Variants in EDAR observed in about 807,000 individuals in gnomAD.
The protein encoded by EDAR is ectodysplasin A receptor, also known as tumor necrosis factor receptor superfamily member EDAR.
In EDAR, 38 loss-of-function variants were observed where a neutral mutation model predicts 51.3. The ratio of observed to expected loss-of-function variants is 0.74; its 90% confidence interval spans 0.57 to 0.97. The LOEUF (loss-of-function observed/expected upper bound fraction) is 0.97. Among genes scored for constraint, EDAR ranks in the 50% least tolerant of loss-of-function variants. The probability of loss-of-function intolerance (pLI) is 0.00; values close to 1 mark genes in which losing one functional copy is unlikely to be tolerated. For missense variants in EDAR, 528 were observed against 595.0 expected, an observed-to-expected ratio of 0.89 and a Z score of 1.17; for synonymous variants, 227 against 242.1, an observed-to-expected ratio of 0.94 and a Z score of 0.58.
At chr2:108,922,503 A>T (rs1697162302) in intron 5 of EDAR, among the ~76,000 whole-genome samples, 1 of 152,140 alleles carries the variant, frequency 6.6e-6, no homozygotes, top group Non-Finnish European at 1.5e-5. Flanking sequence ...CCAAAAGGAG[A>T]GAGGAGATGC....
intron 4 of EDAR, among the ~76,000 whole-genome samples, chr2:108,924,332 T>C (rs1259582953): frequency 6.6e-6 from 1 of 152,178 alleles, no homozygotes; most frequent in African/African-American, 2.4e-5. Context: ...CACCACCCTC[T>C]CCTTGGGGCT....
chr2:108,982,311 G>A (rs1324447551), intron 1 of EDAR, among the ~76,000 whole-genome samples: 1 of 152,254 alleles, frequency 6.6e-6, no homozygotes, highest in Non-Finnish European at 1.5e-5. Context: ...TGAACCCAGG[G>A]AGGTGGGTGG....
At position 108,923,257 on chromosome 2, in the gene EDAR, CT is replaced by C. The variant is rs1697185017; in HGVS notation, c.442+110del. On this transcript the variant is annotated intron_variant, in intron 5 of 11. Transcript: ENST00000258443. Reference sequence around the variant, plus strand: ...AGGAGCACTTTCACTAGTGCTGTTACTGTGATTCACCTTGTCCAGGTGCCAG... The same window carrying C: ...AGGAGCACTTTCACTAGTGCTGTTACGTGATTCACCTTGTCCAGGTGCCAG... The C allele has an allele frequency of 4.7e-6, 5 of 1,064,172 alleles. No individual in the cohort carries two copies. The East Asian group carries it at 1.2e-4, about 25-fold the overall frequency. 65.9% of individuals were successfully genotyped at this position (1,064,172 alleles called of 1,614,324 possible). A position where few individuals can be genotyped will look rare whatever the true frequency, so the allele number is the denominator to read the frequency against.
intron 1 of EDAR, among the ~76,000 whole-genome samples, chr2:108,973,628 C>A (rs1158218916): frequency 6.6e-6 from 1 of 152,326 alleles, no homozygotes; most frequent in Middle Eastern, 3.4e-3. Flanking sequence ...TCCGGAAGAA[C>A]AGAAGGAGAA....
rs374981111 is a variant in EDAR, at chr2:108,931,729, C to CT, written c.-18-698dup. ...TGAAGGAGGAGGTGGGTTTTTTTTT[C>CT]TTTTTTTTTGCTTGTTTTTTCACTT... On this transcript the variant is annotated intron_variant, in intron 1 of 11. Transcript: ENST00000258443. 1.0e-3 allele frequency among the ~76,000 whole-genome samples: 150 copies of CT among 150,030 alleles called. No homozygotes were observed. The Middle Eastern group carries it at 0.01, about 10-fold the overall frequency.
intron 1 of EDAR, among the ~76,000 whole-genome samples, chr2:108,936,147 C>G (rs776447460): frequency 3.8e-4 from 58 of 152,258 alleles, no homozygotes; most frequent in Non-Finnish European, 7.5e-4. Context: ...ACGGTGCTAC[C>G]TCTTCCAAAA....
chr2:108,928,548 CTATT>C (rs1460870673), intron 4 of EDAR, among the ~76,000 whole-genome samples: 3 of 152,184 alleles, frequency 2.0e-5, no homozygotes, highest in African/African-American at 7.2e-5. Flanking sequence ...TCTTTAGTCT[CTATT>C]TGTAGCCCTT....
At chr2:108,960,661 C>T (rs1698020649) in intron 1 of EDAR, among the ~76,000 whole-genome samples, 1 of 152,128 alleles carries the variant, frequency 6.6e-6, no homozygotes, top group Non-Finnish European at 1.5e-5. Context: ...AGTTTTCAAA[C>T]ATGTAAAAGT....
chr2:108,982,799 C>G (rs1234631138), intron 1 of EDAR, among the ~76,000 whole-genome samples: 1 of 152,090 alleles, frequency 6.6e-6, no homozygotes, highest in East Asian at 1.9e-4. Flanking sequence ...TACGTCTGCC[C>G]GTAAAATGAG....
At chr2:108,984,215 G>A (rs1033514129) in intron 1 of EDAR, among the ~76,000 whole-genome samples, 2 of 152,032 alleles carry the variant, frequency 1.3e-5, no homozygotes, top group East Asian at 3.9e-4. Flanking sequence ...TGCCCTTCCT[G>A]CCCTGCACCT....
intron 4 of EDAR, among the ~76,000 whole-genome samples, chr2:108,926,413 A>G (rs1487493467): frequency 6.6e-6 from 1 of 152,194 alleles, no homozygotes; most frequent in Admixed American, 6.5e-5. Context: ...CTCTCAGTCA[A>G]TAGGTGTACA....
intron 10 of EDAR, among the ~76,000 whole-genome samples, chr2:108,907,649 C>A (rs1696836246): frequency 2.1e-5 from 3 of 144,042 alleles, no homozygotes; most frequent in East Asian, 2.0e-4. Context: ...CTCTCATCTC[C>A]AAAAAAAAAA....
At chr2:108,938,786 T>G (rs1206372770) in intron 1 of EDAR, among the ~76,000 whole-genome samples, 1 of 130,688 alleles carries the variant, frequency 7.7e-6, no homozygotes. Context: ...TAGGACTTCT[T>G]CCCCCCCCGC....
At chr2:108,945,532 G>A (rs1697698856) in intron 1 of EDAR, among the ~76,000 whole-genome samples, 1 of 152,208 alleles carries the variant, frequency 6.6e-6, no homozygotes. Flanking sequence ...GGATGGATAA[G>A]CTGGGCTTGT....
At chr2:108,953,102 C>T (rs1697856346) in intron 1 of EDAR, among the ~76,000 whole-genome samples, 1 of 152,172 alleles carries the variant, frequency 6.6e-6, no homozygotes, top group Non-Finnish European at 1.5e-5. Flanking sequence ...GTGGGGTATC[C>T]ATCCCCTCAA....
At chr2:108,948,678 GAACT>G (rs1697762842) in intron 1 of EDAR, among the ~76,000 whole-genome samples, 1 of 152,096 alleles carries the variant, frequency 6.6e-6, no homozygotes, top group African/African-American at 2.4e-5. Context: ...AATATCCTGA[GAACT>G]AACTCAATAT....
At chr2:108,941,626 G>A (rs1013112132) in intron 1 of EDAR, among the ~76,000 whole-genome samples, 5 of 152,148 alleles carry the variant, frequency 3.3e-5, no homozygotes, top group Admixed American at 3.3e-4. Context: ...GATCTCCTTG[G>A]CCCAGAGGCA....
intron 1 of EDAR, among the ~76,000 whole-genome samples, chr2:108,968,359 T>A (rs923147566): frequency 6.6e-6 from 1 of 152,184 alleles, no homozygotes; most frequent in Non-Finnish European, 1.5e-5. Flanking sequence ...GGATTATGCA[T>A]CCCTATAGAA....
At chr2:108,919,709 G>C (rs912326365) in intron 5 of EDAR, among the ~76,000 whole-genome samples, 4 of 152,152 alleles carry the variant, frequency 2.6e-5, no homozygotes, top group African/African-American at 7.2e-5. Flanking sequence ...CCAGGCTCTG[G>C]GGTGCCTTCT....
Sources: allele counts gnomAD v4.1 joint callset (sites outside exome capture counted in the v4.1 genomes callset), GRCh38; gene constraint gnomAD v4.1.1; transcripts MANE v1.5; gene names NCBI Gene and HGNC (gene_info 2026-07-23, HGNC 2026-07-21).